The following MYO16 variants were observed in gnomAD, a reference collection of about 807,000 sequenced individuals.
The protein encoded by MYO16 is unconventional myosin-XVI.
Under a neutral mutation model 205.3 loss-of-function variants are expected in MYO16, and 94 were observed. The ratio of observed to expected loss-of-function variants is 0.46; its 90% CI spans 0.39 to 0.54. The LOEUF (loss-of-function observed/expected upper bound fraction) is 0.54, where lower values mean the gene tolerates loss of function less well. Among genes scored for constraint, MYO16 ranks in the 20% least tolerant of loss-of-function variants. The pLI is 0.00. For synonymous variants in MYO16, 988 were observed against 954.0 expected, an observed-to-expected ratio of 1.04 and a Z score of -0.66; for missense variants, 2,315 against 2,387.5, an observed-to-expected ratio of 0.97 and a Z score of 0.63.
upstream of MYO16, among the ~76,000 whole-genome samples, chr13:108,595,699 C>T (rs770826211): frequency 5.9e-5 from 9 of 152,032 alleles, no homozygotes; most frequent in Non-Finnish European, 8.8e-5. Flanking sequence ...CAATAAATAA[C>T]GCTGCTGATC....
intron 5 of MYO16, among the ~76,000 whole-genome samples, chr13:108,790,156 G>A (rs1264264374): frequency 6.6e-6 from 1 of 152,204 alleles, no homozygotes; most frequent in Non-Finnish European, 1.5e-5. Context: ...GTGCAGCTCA[G>A]CATGGTCATA....
chr13:108,981,809 C>T (rs1350771962), intron 20 of MYO16, among the ~76,000 whole-genome samples: 1 of 152,216 alleles, frequency 6.6e-6, no homozygotes, highest in African/African-American at 2.4e-5. Context: ...GTCTCTAATT[C>T]AATGTTCATA....
chr13:108,867,273 G>A (rs374751553), intron 12 of MYO16, among the ~76,000 whole-genome samples: 2 of 152,252 alleles, frequency 1.3e-5, no homozygotes, highest in East Asian at 3.9e-4. Context: ...GGCTGAGGCA[G>A]GAGGATCACT....
At position 108,860,473 on chromosome 13, in the gene MYO16, G is replaced by A. The variant is rs188481348; in HGVS notation, c.1359+4920G>A. On this transcript the variant is annotated intron_variant, in intron 11 of 34. Coordinates refer to ENST00000457511, the MANE Select transcript of MYO16 (RefSeq NM_001198950.3). ...GTGAATAGTGCTGCCATGAACATTC[G>A]TGTGCATGTATGTTTATGGTAGAGT... Among the ~76,000 whole-genome samples, 83 of 152,262 alleles carry A rather than the reference G, an allele frequency of 5.5e-4. 1 individual carries two copies. The highest frequency in any genetic ancestry group is 2.9e-3 in the Admixed American group (45 of 15,288).
At chr13:108,885,957 A>G (rs1340364382) in intron 13 of MYO16, among the ~76,000 whole-genome samples, 1 of 151,802 alleles carries the variant, frequency 6.6e-6, no homozygotes, top group African/African-American at 2.4e-5. Context: ...TATCCAGTAT[A>G]TATTCTGCAG....
chr13:108,660,719 T>C (rs534919638), intron 1 of MYO16, among the ~76,000 whole-genome samples: 81 of 152,236 alleles, frequency 5.3e-4, no homozygotes, highest in Non-Finnish European at 1.0e-3. Flanking sequence ...TGGTGAGTTA[T>C]TCTACATTCT....
rs116368194 is a variant in MYO16, at chr13:108,674,615, C to T, written c.292+8466C>T. On this transcript the variant is annotated intron_variant, in intron 2 of 34. Coordinates refer to ENST00000457511, the MANE Select transcript of MYO16 (RefSeq NM_001198950.3). ...GACACCTCGGAAATTGAAATCAGAACCCTGCCACCTTTAGAATCCGTCAAA... is the reference window on the plus strand; with the variant it reads ...GACACCTCGGAAATTGAAATCAGAATCCTGCCACCTTTAGAATCCGTCAAA... Among the ~76,000 whole-genome samples the T allele has an allele frequency of 7.9e-3, 1,196 of 152,270 alleles. 16 individuals are homozygous for T. The highest frequency in any genetic ancestry group is 0.027 in the African/African-American group (1,105 of 41,548).
chr13:108,976,885 A>G (rs1448045371), intron 20 of MYO16, among the ~76,000 whole-genome samples: 2 of 152,176 alleles, frequency 1.3e-5, no homozygotes, highest in African/African-American at 4.8e-5. Flanking sequence ...AATTAATACT[A>G]TTGACATTTT....
intron 4 of MYO16, among the ~76,000 whole-genome samples, chr13:108,734,373 C>T (rs867066630): frequency 2.6e-5 from 4 of 152,060 alleles, no homozygotes; most frequent in African/African-American, 4.8e-5. Context: ...AAATTGATAT[C>T]GCTTCCTCAC....
intron 28 of MYO16, chr13:109,101,704 T>C (rs2139715119): frequency 6.6e-6 from 1 of 152,288 alleles, no homozygotes; most frequent in East Asian, 1.9e-4. Flanking sequence ...ATTTGGAAGT[T>C]TCTTGCTGTA....
chr13:108,955,541 C>T (rs1883316156), intron 16 of MYO16, among the ~76,000 whole-genome samples: 1 of 152,162 alleles, frequency 6.6e-6, no homozygotes, highest in African/African-American at 2.4e-5. Flanking sequence ...TCTTTTCCAT[C>T]ACTATCATTC....
intron 1 of MYO16, among the ~76,000 whole-genome samples, chr13:108,610,844 C>T (rs930738480): frequency 2.0e-5 from 3 of 152,134 alleles, no homozygotes; most frequent in Admixed American, 1.3e-4. Context: ...AAAAAAGGAG[C>T]TTTTGCCTTT....
intron 11 of MYO16, among the ~76,000 whole-genome samples, chr13:108,856,307 C>G (rs1218990937): frequency 1.3e-5 from 2 of 152,120 alleles, no homozygotes; most frequent in Non-Finnish European, 2.9e-5. Context: ...CCAGCTATCC[C>G]TTTTTGATAA....
At chr13:108,894,168 C>T (rs377720804) in intron 14 of MYO16, among the ~76,000 whole-genome samples, 10 of 152,234 alleles carry the variant, frequency 6.6e-5, no homozygotes, top group African/African-American at 2.2e-4. Context: ...CGAATGCCTT[C>T]ACGATCATGA....
In MYO16 at chr13:109,127,666, C is replaced by A; in HGVS notation, c.4051+116C>A. On this transcript the variant is annotated intron_variant, in intron 31 of 34. Transcript: ENST00000457511. The surrounding 1 kb of genome is among the most constrained non-coding windows in gnomAD (Gnocchi z 4.2). ...AATGTATTCTTAATAGAAATAAATCCAATTGTTGGCTTGCCAGCAGCTCTT... is the reference window on the plus strand; with the variant it reads ...AATGTATTCTTAATAGAAATAAATCAAATTGTTGGCTTGCCAGCAGCTCTT... 1.9e-6 allele frequency: 2 copies of A among 1,036,096 alleles called. No individual in the cohort carries two copies. Among genetic ancestry groups the A allele is most frequent in the Non-Finnish European group, 1.4e-6 (1 of 731,434 alleles). The allele number at this position is 1,036,096 out of a possible 1,614,324, so 64.2% of individuals were successfully genotyped here. A position where few individuals can be genotyped will look rare whatever the true frequency, so the allele number is the denominator to read the frequency against.
chr13:108,904,543 A>G (rs1428571693), intron 15 of MYO16, among the ~76,000 whole-genome samples: 1 of 152,158 alleles, frequency 6.6e-6, no homozygotes, highest in Non-Finnish European at 1.5e-5. Flanking sequence ...TTATGATATT[A>G]ATGGCATATT....
intron 1 of MYO16, among the ~76,000 whole-genome samples, chr13:108,658,298 T>A (rs1253971513): frequency 2.0e-5 from 3 of 152,176 alleles, no homozygotes; most frequent in Non-Finnish European, 2.9e-5. Flanking sequence ...GAGTCACTTT[T>A]TGTAAGTTAT....
chr13:109,019,104 G>A (rs1885934290), intron 22 of MYO16, among the ~76,000 whole-genome samples: 1 of 151,834 alleles, frequency 6.6e-6, no homozygotes. Context: ...GAGAAACTGG[G>A]ACTACAGGCA....
At chr13:108,626,449 A>ACCAT (rs1467108344), upstream of MYO16, among the ~76,000 whole-genome samples, 3 of 152,206 alleles carry the variant, frequency 2.0e-5, no homozygotes, top group Admixed American at 1.3e-4. Flanking sequence ...TAAATTGCTA[A>ACCAT]CCATATATTT....
Sources: allele counts gnomAD v4.1 joint callset (sites outside exome capture counted in the v4.1 genomes callset), GRCh38; gene constraint gnomAD v4.1.1; non-coding constraint Gnocchi (gnomAD v3.1); transcripts MANE v1.5; gene names NCBI Gene and HGNC (gene_info 2026-07-23, HGNC 2026-07-21).